DHX33: variants seen among roughly 807,000 people sequenced by gnomAD.
DHX33 encodes ATP-dependent RNA helicase DHX33.
Under a neutral mutation model 72.5 loss-of-function variants are expected in DHX33, and 42 were observed. The observed-to-expected ratio is 0.58, with a 90% confidence interval of 0.45 to 0.75. The LOEUF (loss-of-function observed/expected upper bound fraction) is 0.75. DHX33 is among the 30% of genes least tolerant of loss of function. The probability of loss-of-function intolerance (pLI) is 0.00; values close to 1 mark genes in which losing one functional copy is unlikely to be tolerated. For missense variants in DHX33, 842 were observed against 917.5 expected (o/e 0.92, Z 1.06); for synonymous variants, 358 against 366.1 (o/e 0.98, Z 0.25).
rs992661237 is a variant in DHX33, at chr17:5,444,687, G to C, written c.1816-174C>G. On this transcript the variant is annotated intron_variant, in intron 11 of 11. Transcript: ENST00000225296. The surrounding 1 kb of genome is among the most constrained non-coding windows in gnomAD (Gnocchi z 4.9). ...TCACCAAGGATCAGCAAGGTCAGGGGAAGAAGGCCCAGCTGGAGGAGCACG... is the reference window on the plus strand; with the variant it reads ...TCACCAAGGATCAGCAAGGTCAGGGCAAGAAGGCCCAGCTGGAGGAGCACG... 6.6e-6 allele frequency among the ~76,000 whole-genome samples: 1 copy of C among 152,176 alleles called. No individual in the cohort carries two copies. The highest frequency in any genetic ancestry group is 6.5e-5 in the Admixed American group (1 of 15,290).
chr17:5,456,113 T>A lies in DHX33; in HGVS notation c.919A>T (p.Thr307Ser). 1 of 1,614,078 alleles carries A rather than the reference T, an allele frequency of 6.2e-7. No homozygotes were observed. The highest frequency in any genetic ancestry group is 8.5e-7 in the Non-Finnish European group (1 of 1,180,032). ...GQEEIEAMSK[T>S]CRDIAKHLPD... ...AGGTGCTTTGCAATGTCTCGGCACG[T>A]CTTGCTCATGGCTTCGATCTCCTCC... The change falls in exon 5 of 12, where the codon ACG (threonine) becomes TCG (serine). Residue 307 changes from threonine (T) to serine (S), a missense_variant. Physicochemically the swap from Thr to Ser is moderately conservative, Grantham distance 58. Transcript: ENST00000225296.
At chr17:5,451,049 A>G in intron 8 of DHX33, 115 bp from the exon 9 acceptor site, 4 of 1,177,902 alleles carry the variant, frequency 3.4e-6, no homozygotes, top group Non-Finnish European at 4.8e-6. Flanking sequence ...CAAAAATCAT[A>G]ACCGCCACTG....
chr17:5,463,596 C>T lies in DHX33; in HGVS notation c.383G>A (p.Arg128His), dbSNP rs753630233. Residue 128 changes from arginine (R) to histidine (H), a missense_variant, in exon 2 of 12, where the codon CGT becomes CAT. Physicochemically the swap from Arg to His is conservative, Grantham distance 29. Coordinates refer to ENST00000225296, the MANE Select transcript of DHX33 (RefSeq NM_020162.4). ...AGCAAGAGAGATGGCAGCTACTCGA[C>T]GAGGCTGGGTCACAGCAATGATGCC... ...RQGIIAVTQP[R>H]RVAAISLATR... is the part of the protein sequence containing the mutation. 4.3e-6 allele frequency: 7 copies of T among 1,613,988 alleles called. No homozygotes were observed. The highest frequency in any genetic ancestry group is 2.2e-5 in the East Asian group (1 of 44,882).
Position 5,450,350 on chromosome 17 carries a change from G to C in DHX33, c.1581C>G (p.Ser527=). 1 of 1,614,192 alleles carries C rather than the reference G, an allele frequency of 6.2e-7. No homozygotes were observed. The highest frequency in any genetic ancestry group is 8.5e-7 in the Non-Finnish European group (1 of 1,180,042). Residue 527 remains serine (S), a synonymous_variant, in exon 10 of 12, where the codon TCC becomes TCG. Transcript: ENST00000225296. ...GGAGGACGCTGTCCACAGACAGCAG[G>C]GAGACAATGGTCAGGATCTCCTCTG... ...HCTEEILTIV[S]LLSVDSVLHN...
Position 5,450,372 on chromosome 17 carries a change from T to C in DHX33, c.1559A>G (p.Glu520Gly), listed in dbSNP as rs1227938182. ...CAGGGAGACAATGGTCAGGATCTCC[T>C]CTGTACAGTGGAATTTGGGGGACAT... ...ILMSPKFHCTEEILTIVSLLS... is the reference protein window; with the variant it reads ...ILMSPKFHCTGEILTIVSLLS... Residue 520 changes from glutamate (E) to glycine (G), a missense_variant, in exon 10 of 12, where the codon GAG (glutamate) becomes GGG (glycine). Glu to Gly is a moderately conservative substitution (Grantham distance 98). Coordinates refer to ENST00000225296, the MANE Select transcript of DHX33 (RefSeq NM_020162.4). The C allele has an allele frequency of 6.2e-7, 1 of 1,614,068 alleles. No individual in the cohort carries two copies. The highest frequency in any genetic ancestry group is 8.5e-7 in the Non-Finnish European group (1 of 1,180,058).
At chr17:5,447,193 A>G (rs1437858323) in intron 11 of DHX33, among the ~76,000 whole-genome samples, 2 of 152,220 alleles carry the variant, frequency 1.3e-5, no homozygotes, top group African/African-American at 4.8e-5. Flanking sequence ...TTAAAACACC[A>G]TGTACTCTAA....
Position 5,448,789 on chromosome 17 carries a change from A to C in DHX33, c.1815+20T>G. On this transcript the variant is annotated intron_variant, in intron 11 of 11. Transcript: ENST00000225296. ...AAGTGACAGCTTTGTCACCCACAGA[A>C]CACTAGGACCAGACGATACCTTTAA... 1 of 1,570,216 alleles carries C rather than the reference A, an allele frequency of 6.4e-7. No individual in the cohort carries two copies. The highest frequency in any genetic ancestry group is 1.8e-5 in the Admixed American group (1 of 54,778).
At chr17:5,458,032 A>G (rs1247811984) in intron 4 of DHX33, among the ~76,000 whole-genome samples, 3 of 152,208 alleles carry the variant, frequency 2.0e-5, no homozygotes, top group African/African-American at 7.2e-5. Context: ...GGAGGAAACT[A>G]CAAATTATGT....
At chr17:5,450,122 G>T in intron 10 of DHX33, 81 bp downstream of exon 10, 1 of 1,530,916 alleles carries the variant, frequency 6.5e-7, no homozygotes. Flanking sequence ...CGTACTTTTT[G>T]CACGGCTTCA....
chr17:5,466,033 T>C (rs1904865401), intron 1 of DHX33, among the ~76,000 whole-genome samples: 2 of 152,156 alleles, frequency 1.3e-5, no homozygotes, highest in African/African-American at 4.8e-5. Flanking sequence ...CTTTGCTCTG[T>C]TAGCTCGATT....
intron 8 of DHX33, among the ~76,000 whole-genome samples, chr17:5,451,257 C>G (rs1916896480): frequency 6.6e-6 from 1 of 152,118 alleles, no homozygotes; most frequent in South Asian, 2.1e-4. Context: ...AGGCGCCCAC[C>G]ACCGCGCCCA....
At chr17:5,467,743 A>G (rs941701567) in intron 1 of DHX33, among the ~76,000 whole-genome samples, 5 of 152,130 alleles carry the variant, frequency 3.3e-5, no homozygotes, top group Non-Finnish European at 7.3e-5. Flanking sequence ...TTCTCCACAC[A>G]TATAAACATT....
rs1441648609 is a variant in DHX33 at position 5,463,559 on chromosome 17, T to G, written c.420A>C (p.Ser140=). ...VAAISLATRV[S]DEKRTELGKL... ...TCCCAAGTTCAGTTCTCTTCTCATC[T>G]GAGACTCTAGTAGCAAGAGAGATGG... Residue 140 remains serine (S), a synonymous_variant, in exon 2 of 12, where the codon TCA becomes TCC. Coordinates refer to ENST00000225296, the MANE Select transcript of DHX33 (RefSeq NM_020162.4). 1 of 1,614,042 alleles carries G rather than the reference T, an allele frequency of 6.2e-7. No homozygotes were observed. The highest frequency in any genetic ancestry group is 1.1e-5 in the South Asian group (1 of 91,084).
chr17:5,450,667 A>C, intron 9 of DHX33, 140 bp downstream of exon 9: 1 of 1,310,608 alleles, frequency 7.6e-7, no homozygotes, highest in Non-Finnish European at 1.1e-6. Flanking sequence ...AACATGAATC[A>C]GGGCTATTTG....
chr17:5,463,358 G>A (rs1453214541), intron 2 of DHX33, among the ~76,000 whole-genome samples, 171 bp downstream of exon 2: 2 of 152,264 alleles, frequency 1.3e-5, no homozygotes, highest in South Asian at 2.1e-4. Context: ...AAGCACATGG[G>A]ACCAATAGAG....
intron 4 of DHX33, among the ~76,000 whole-genome samples, 180 bp downstream of exon 4, chr17:5,460,759 G>A (rs1428646461): frequency 2.6e-5 from 4 of 151,910 alleles, no homozygotes; most frequent in African/African-American, 4.8e-5. Context: ...CACCTGCCTC[G>A]GCCTCCCAAA....
chr17:5,450,387 T>A lies in DHX33; in HGVS notation c.1544A>T (p.Lys515Ile), dbSNP rs765160133. The A allele has an allele frequency of 6.2e-7, 1 of 1,613,978 alleles. No homozygotes were observed. Among genetic ancestry groups the A allele is most frequent in the South Asian group, 1.1e-5 (1 of 91,084 alleles). The change falls in exon 10 of 12, where the codon AAA (lysine) becomes ATA (isoleucine). Residue 515 changes from lysine (K) to isoleucine (I), a missense_variant. Physicochemically the swap from Lys to Ile is moderately radical, Grantham distance 102. Transcript: ENST00000225296. ...KFAKTILMSP[K>I]FHCTEEILTI... ...CAGGATCTCCTCTGTACAGTGGAAT[T>A]TGGGGGACATGAGGATGGTCTGCAA...
rs1381598100 is a variant in DHX33 at position 5,468,676 on chromosome 17, G to C, written c.184C>G (p.Pro62Ala). 6.2e-7 allele frequency: 1 copy of C among 1,612,400 alleles called. No individual in the cohort carries two copies. The highest frequency in any genetic ancestry group is 1.3e-5 in the African/African-American group (1 of 74,928). Residue 62 changes from proline to alanine, a missense_variant, in exon 1 of 12, where the codon CCC becomes GCC. Coordinates refer to ENST00000225296, the MANE Select transcript of DHX33 (RefSeq NM_020162.4). ...TGCAGCTCCACAGCTTCAGGGTAGG[G>C]ACTGGCCGAGGGCTGGGCCAGGGGC... Reference protein sequence around the residue: ...QPPLAQPSASPYPEAVELQRR... With the variant: ...QPPLAQPSASAYPEAVELQRR...
At chr17:5,464,919 C>A (rs1278667007) in intron 1 of DHX33, among the ~76,000 whole-genome samples, 1 of 152,220 alleles carries the variant, frequency 6.6e-6, no homozygotes, top group Non-Finnish European at 1.5e-5. Flanking sequence ...GCTCCCCTGG[C>A]TGCACAGTGG....
Sources: gnomAD v4.1 joint callset for allele counts (sites outside exome capture counted in the v4.1 genomes callset) on GRCh38, gnomAD v4.1.1 for gene constraint, Gnocchi (gnomAD v3.1) non-coding constraint, MANE v1.5 for transcripts, NCBI Gene and HGNC (gene_info 2026-07-23, HGNC 2026-07-21) for gene names.